Variants in SAMD4A observed in about 807,000 individuals in gnomAD.
SAMD4A encodes the protein sterile alpha motif domain containing 4A, also known as protein Smaug homolog 1.
A neutral mutation model predicts 81.3 loss-of-function variants in SAMD4A; 33 were observed. The observed-to-expected ratio is 0.41, with a 90% CI of 0.31 to 0.54. SAMD4A has a LOEUF of 0.54. Among genes scored for constraint, SAMD4A ranks in the 20% least tolerant of loss-of-function variants. The pLI is 0.37. For missense variants in SAMD4A, 854 were observed against 951.1 expected (o/e 0.90, Z 1.34); for synonymous variants, 389 against 382.1 (o/e 1.02, Z -0.21).
intron 9 of SAMD4A, among the ~76,000 whole-genome samples, chr14:54,772,044 C>G (rs2038720238): frequency 6.6e-6 from 1 of 152,178 alleles, no homozygotes; most frequent in African/African-American, 2.4e-5. Flanking sequence ...TACTATAAGG[C>G]TGGAAAATGT....
At chr14:54,701,221 C>G (rs2036708790) in intron 2 of SAMD4A, 1 of 152,102 alleles carries the variant, frequency 6.6e-6, no homozygotes, top group Non-Finnish European at 1.5e-5. Context: ...AAGTTGGTCT[C>G]TAACTCCTGG....
intron 2 of SAMD4A, among the ~76,000 whole-genome samples, chr14:54,603,912 C>A (rs1214961372): frequency 6.6e-6 from 1 of 152,138 alleles, no homozygotes; most frequent in Non-Finnish European, 1.5e-5. Context: ...GCAACCTCTG[C>A]CTCCCGGGTT....
At chr14:54,641,906 T>A (rs1170047181) in intron 2 of SAMD4A, among the ~76,000 whole-genome samples, 1 of 152,208 alleles carries the variant, frequency 6.6e-6, no homozygotes, top group African/African-American at 2.4e-5. Context: ...CAAGCAATTC[T>A]CCTACCTTAG....
At chr14:54,621,494 C>T (rs1159817343) in intron 2 of SAMD4A, among the ~76,000 whole-genome samples, 2 of 151,408 alleles carry the variant, frequency 1.3e-5, no homozygotes, top group African/African-American at 2.4e-5. Flanking sequence ...GGACTATAGG[C>T]GGGCACCACC....
intron 2 of SAMD4A, among the ~76,000 whole-genome samples, chr14:54,631,628 T>A (rs1250115711): frequency 2.0e-5 from 3 of 152,208 alleles, no homozygotes; most frequent in Non-Finnish European, 2.9e-5. Flanking sequence ...TTTTACTGAA[T>A]CAATAATAAT....
intron 11 of SAMD4A, 36 bp from the exon 12 acceptor site, chr14:54,784,501 C>T: frequency 1.2e-6 from 2 of 1,613,638 alleles, no homozygotes; most frequent in South Asian, 1.1e-5. Context: ...TGCTTATCTC[C>T]TCCTTGTCAC....
At chr14:54,610,756 G>A (rs1006216393) in intron 2 of SAMD4A, among the ~76,000 whole-genome samples, 1 of 152,162 alleles carries the variant, frequency 6.6e-6, no homozygotes. Context: ...ATTTGAATCT[G>A]ACACATTCTT....
At chr14:54,679,851 C>T (rs1309172532) in intron 2 of SAMD4A, among the ~76,000 whole-genome samples, 1 of 152,168 alleles carries the variant, frequency 6.6e-6, no homozygotes, top group Admixed American at 6.5e-5. Flanking sequence ...TCATCAAATC[C>T]ATTTCAGAAT....
intron 2 of SAMD4A, among the ~76,000 whole-genome samples, chr14:54,645,367 A>G (rs1409351771): frequency 1.3e-5 from 2 of 152,218 alleles, no homozygotes; most frequent in East Asian, 1.9e-4. Context: ...CACTGTTCAG[A>G]CATAACTACT....
At chr14:54,677,956 C>T (rs771008159) in intron 2 of SAMD4A, among the ~76,000 whole-genome samples, 5 of 152,102 alleles carry the variant, frequency 3.3e-5, no homozygotes, top group African/African-American at 4.8e-5. Flanking sequence ...GTCTATCAAT[C>T]GTAAAGGAAA....
chr14:54,617,039 CCT>C (rs2034506595), intron 2 of SAMD4A, among the ~76,000 whole-genome samples: 1 of 151,832 alleles, frequency 6.6e-6, no homozygotes, highest in African/African-American at 2.4e-5. Flanking sequence ...TTATTCAAAC[CCT>C]GATGAATTAC....
intron 2 of SAMD4A, among the ~76,000 whole-genome samples, chr14:54,638,890 A>G (rs1387313889): frequency 6.6e-6 from 1 of 152,194 alleles, no homozygotes; most frequent in Non-Finnish European, 1.5e-5. Context: ...TGCTATTTTA[A>G]ATGGTGTTGT....
rs375334255 is a variant in SAMD4A, at chr14:54,631,942, G to A, written c.196+63830G>A. ...TCTCTGTCTCACCCCTAGATTTTTG[G>A]GCACTACCGTTCATTCATTCAGAGT... On this transcript the variant is annotated intron_variant, in intron 2 of 12. Transcript: ENST00000554335. Among the ~76,000 whole-genome samples the A allele has an allele frequency of 7.8e-4, 119 of 152,228 alleles. 2 individuals carry two copies. In the South Asian group the frequency reaches 0.024, roughly 31 times the overall value.
intron 2 of SAMD4A, among the ~76,000 whole-genome samples, chr14:54,698,744 C>T (rs553274584): frequency 1.6e-4 from 24 of 152,306 alleles, no homozygotes; most frequent in African/African-American, 5.8e-4. Flanking sequence ...CTTCCTGGTC[C>T]CACCATCCAA....
At chr14:54,681,911 G>C in intron 2 of SAMD4A, 1 of 985,420 alleles carries the variant, frequency 1.0e-6, no homozygotes. Context: ...AAAGATTTAT[G>C]ACTGCCGCAA....
chr14:54,689,883 G>A (rs2036388217), intron 2 of SAMD4A: 1 of 152,300 alleles, frequency 6.6e-6, no homozygotes, highest in African/African-American at 2.4e-5. Context: ...GACATCATCT[G>A]TGAAGACAGG....
chr14:54,663,805 C>T (rs527565764), intron 2 of SAMD4A, among the ~76,000 whole-genome samples: 1 of 152,220 alleles, frequency 6.6e-6, no homozygotes, highest in South Asian at 2.1e-4. Context: ...CTCTCTCTTC[C>T]CTGTGAATGA....
intron 2 of SAMD4A, among the ~76,000 whole-genome samples, chr14:54,654,159 A>C (rs1011680680): frequency 1.3e-5 from 2 of 152,174 alleles, no homozygotes; most frequent in African/African-American, 4.8e-5. Flanking sequence ...TGACTATGAC[A>C]TATAATACCC....
Position 54,593,117 on chromosome 14 carries a change from T to G in SAMD4A, c.196+25005T>G, listed in dbSNP as rs187444185. On this transcript the variant is annotated intron_variant, in intron 2 of 12. Coordinates refer to ENST00000554335, the MANE Select transcript of SAMD4A (RefSeq NM_015589.6). Reference sequence around the variant, plus strand: ...TATCAGCATTCTGCCATTCTGAATGTGCTATTTGTAATGGATGCATGCCAT... The same window carrying G: ...TATCAGCATTCTGCCATTCTGAATGGGCTATTTGTAATGGATGCATGCCAT... 8.5e-5 allele frequency among the ~76,000 whole-genome samples: 13 copies of G among 152,316 alleles called. No homozygotes were observed. In the East Asian group the frequency reaches 2.3e-3, roughly 27 times the overall value.
Sources: gnomAD v4.1 joint callset for allele counts (sites outside exome capture counted in the v4.1 genomes callset) on GRCh38, gnomAD v4.1.1 for gene constraint, MANE v1.5 for transcripts, NCBI Gene and HGNC (gene_info 2026-07-23, HGNC 2026-07-21) for gene names.